Variants in KLHL6 observed in about 807,000 individuals in gnomAD.
KLHL6 encodes kelch-like protein 6.
A neutral mutation model predicts 58.6 loss-of-function variants in KLHL6; 41 were observed. The observed-to-expected ratio is 0.70, with a 90% CI of 0.55 to 0.91. KLHL6 has a LOEUF of 0.91. KLHL6 is among the 40% of genes least tolerant of loss of function. KLHL6 has a pLI of 0.00. For missense variants in KLHL6, 714 were observed against 805.6 expected (o/e 0.89, Z 1.38); for synonymous variants, 338 against 322.7 (o/e 1.05, Z -0.51).
chr3:183,519,911 A>C (rs896236079), intron 2 of KLHL6, among the ~76,000 whole-genome samples: 9 of 151,088 alleles, frequency 6.0e-5, no homozygotes, highest in East Asian at 5.8e-4. Flanking sequence ...AAAAAAAAAA[A>C]AAAAAACAAG....
intron 2 of KLHL6, among the ~76,000 whole-genome samples, chr3:183,519,895 C>CAAAAAA (rs56101517): frequency 1.2e-4 from 10 of 83,224 alleles, no homozygotes; most frequent in East Asian, 4.2e-4. Flanking sequence ...AACCCTGTCT[C>CAAAAAA]AAAAAAAAAA....
chr3:183,527,811 C>T, intron 2 of KLHL6, 34 bp downstream of exon 2: 1 of 1,609,686 alleles, frequency 6.2e-7, no homozygotes. Flanking sequence ...TCACCTGCTT[C>T]AGAGAAGAGC....
chr3:183,534,289 G>A (rs959169577), intron 1 of KLHL6, among the ~76,000 whole-genome samples: 13 of 151,758 alleles, frequency 8.6e-5, no homozygotes, highest in South Asian at 2.1e-4. Flanking sequence ...TGGAGGAGTT[G>A]GAAGATCACT....
At chr3:183,505,805 CTT>C (rs1166936114) in intron 3 of KLHL6, among the ~76,000 whole-genome samples, 2 of 152,134 alleles carry the variant, frequency 1.3e-5, no homozygotes, top group African/African-American at 4.8e-5. Context: ...TGAAAAAATT[CTT>C]TGAGACACAA....
At chr3:183,532,362 G>GA (rs1376299902) in intron 1 of KLHL6, among the ~76,000 whole-genome samples, 1 of 152,196 alleles carries the variant, frequency 6.6e-6, no homozygotes, top group Non-Finnish European at 1.5e-5. Context: ...AGACTCTATA[G>GA]AAGTGTGAGG....
chr3:183,544,864 C>T (rs111620472), intron 1 of KLHL6: 6 of 152,402 alleles, frequency 3.9e-5, no homozygotes, highest in Admixed American at 3.9e-4. Flanking sequence ...GCCCCACCTC[C>T]CTGGCACAGT....
In KLHL6 at chr3:183,502,234, A is replaced by T. The variant is rs77107555; in HGVS notation, c.910-2407T>A. ...GGAGAATCACTTGAATCTAAGAGGC[A>T]GAGGGTGCAGTGAGCCAACGTCGCA... On this transcript the variant is annotated intron_variant, in intron 3 of 6. Transcript: ENST00000341319. 5.0e-3 allele frequency among the ~76,000 whole-genome samples: 765 copies of T among 152,030 alleles called. 10 individuals are homozygous for T. Among genetic ancestry groups the T allele is most frequent in the African/African-American group, 0.017 (709 of 41,460 alleles).
At chr3:183,516,629 T>C (rs1471093915) in intron 2 of KLHL6, among the ~76,000 whole-genome samples, 1 of 152,214 alleles carries the variant, frequency 6.6e-6, no homozygotes, top group Non-Finnish European at 1.5e-5. Context: ...TGCTTCCCCA[T>C]GACGTTCTCC....
chr3:183,530,995 C>A (rs1395439786), intron 1 of KLHL6, among the ~76,000 whole-genome samples: 3 of 151,994 alleles, frequency 2.0e-5, no homozygotes, highest in Admixed American at 2.0e-4. Flanking sequence ...CCACGCCTGG[C>A]TAATTTTTGT....
chr3:183,520,443 T>C (rs1186111785), intron 2 of KLHL6: 3 of 151,722 alleles, frequency 2.0e-5, no homozygotes, highest in East Asian at 3.9e-4. Context: ...AGACAAAGTA[T>C]AGAGAGAGAA....
At chr3:183,511,755 C>T (rs1381172726) in intron 2 of KLHL6, among the ~76,000 whole-genome samples, 3 of 152,158 alleles carry the variant, frequency 2.0e-5, no homozygotes, top group Non-Finnish European at 4.4e-5. Flanking sequence ...ACCTTGATTC[C>T]ATACAACACA....
At chr3:183,529,789 A>T (rs914830114) in intron 1 of KLHL6, among the ~76,000 whole-genome samples, 3 of 152,146 alleles carry the variant, frequency 2.0e-5, no homozygotes, top group Non-Finnish European at 4.4e-5. Context: ...CATCTCAAAA[A>T]AAAAAGAAAG....
chr3:183,534,752 A>G (rs532890345), intron 1 of KLHL6, among the ~76,000 whole-genome samples: 2 of 152,052 alleles, frequency 1.3e-5, no homozygotes, highest in African/African-American at 2.4e-5. Flanking sequence ...CTTTAATAAC[A>G]TATCTTATTT....
chr3:183,535,347 T>C (rs1473045928), intron 1 of KLHL6, among the ~76,000 whole-genome samples: 1 of 152,244 alleles, frequency 6.6e-6, no homozygotes, highest in Non-Finnish European at 1.5e-5. Flanking sequence ...AGTGCAGCTC[T>C]TGCCATCAGT....
At chr3:183,541,569 G>A (rs753113727) in intron 1 of KLHL6, among the ~76,000 whole-genome samples, 1 of 152,192 alleles carries the variant, frequency 6.6e-6, no homozygotes, top group Non-Finnish European at 1.5e-5. Context: ...GCTGAGTGTG[G>A]TGGCACATGC....
chr3:183,524,992 A>G (rs1011173990), intron 2 of KLHL6, among the ~76,000 whole-genome samples: 12 of 152,212 alleles, frequency 7.9e-5, no homozygotes, highest in Admixed American at 7.9e-4. Context: ...TTGGCTGGGC[A>G]TGGTGGTTCA....
Position 183,508,254 on chromosome 3 carries a change from G to A in KLHL6, c.714C>T (p.Thr238=), listed in dbSNP as rs79474048. ...YVTEEAQVFE[T]VMSWVRHKPS... ...GCTTGTGCCGGACCCAGCTCATCAC[G>A]GTCTCAAACACCTGAGCCTCCTCGG... Residue 238 remains threonine, a synonymous_variant, in exon 3 of 7, where the codon ACC becomes ACT. Transcript: ENST00000341319. 1,183 of 1,613,894 alleles carry A rather than the reference G, an allele frequency of 7.3e-4. 9 individuals are homozygous for A. In the African/African-American group the frequency reaches 0.014, roughly 19 times the overall value.
intron 1 of KLHL6, among the ~76,000 whole-genome samples, chr3:183,539,729 C>A (rs4066039): frequency 0.032 from 4,728 of 149,186 alleles, 286 homozygotes; most frequent in African/African-American, 0.11. Context: ...AACAAAAAAA[C>A]AACTCCCTTC....
intron 2 of KLHL6, among the ~76,000 whole-genome samples, chr3:183,527,190 T>G (rs183745263): frequency 6.6e-6 from 1 of 151,354 alleles, no homozygotes; most frequent in African/African-American, 2.4e-5. Context: ...AATAAGGATA[T>G]GATCAAGCAA....
Sources: allele counts gnomAD v4.1 joint callset (sites outside exome capture counted in the v4.1 genomes callset), GRCh38; gene constraint gnomAD v4.1.1; transcripts MANE v1.5; gene names NCBI Gene and HGNC (gene_info 2026-07-23, HGNC 2026-07-21).